Variants in COBL observed in about 807,000 individuals in gnomAD.
COBL encodes the protein cordon-bleu WH2 repeat protein.
A neutral mutation model predicts 98.8 loss-of-function variants in COBL; 51 were observed. That is an observed-to-expected ratio of 0.52 (90% CI 0.41 to 0.65). The LOEUF (loss-of-function observed/expected upper bound fraction) is 0.65, where lower values mean the gene tolerates loss of function less well. Ranked by LOEUF, COBL falls within the 30% of genes least tolerant of loss-of-function variation. The pLI is 0.00. For missense variants in COBL, 1,617 were observed against 1,617.5 expected (o/e 1.00, Z 0.01); for synonymous variants, 634 against 651.7 (o/e 0.97, Z 0.41).
intron 2 of COBL, among the ~76,000 whole-genome samples, chr7:51,207,314 G>A (rs1416590491): frequency 1.3e-5 from 2 of 151,106 alleles, no homozygotes; most frequent in African/African-American, 4.9e-5. Flanking sequence ...AGCGATTACA[G>A]ATCACCTAGT....
At position 51,126,392 on chromosome 7, in the gene COBL, G is replaced by A. The variant is rs76626765; in HGVS notation, c.957+9766C>T. On this transcript the variant is annotated intron_variant, in intron 6 of 12. Coordinates refer to ENST00000265136, the MANE Select transcript of COBL (RefSeq NM_015198.5). The stretch of plus-strand genomic sequence containing the variant: ...AGATGTGGCCAGCACCGAATAGAGC[G>A]GCACCACCCCACCCTCATCCTGATC... Among the ~76,000 whole-genome samples, 174 of 152,208 alleles carry A rather than the reference G, an allele frequency of 1.1e-3. No homozygotes were observed. The East Asian group carries it at 0.026, about 22-fold the overall frequency.
At position 51,016,918 on chromosome 7, in the gene COBL, T is replaced by C; in HGVS notation, c.*633A>G. On this transcript the variant is annotated 3_prime_UTR_variant, in exon 13 of 13. Transcript: ENST00000265136. Reference sequence around the variant, plus strand: ...GTTTTCTGGGTGGTAATAGTTGATTTTTAAAAGCTTAGTTGGTCAGATCAT... The same window carrying C: ...GTTTTCTGGGTGGTAATAGTTGATTCTTAAAAGCTTAGTTGGTCAGATCAT... 2.5e-6 allele frequency: 1 copy of C among 399,376 alleles called. No individual in the cohort carries two copies. Among genetic ancestry groups the C allele is most frequent in the Non-Finnish European group, 4.4e-6 (1 of 226,682 alleles). 24.7% of individuals were successfully genotyped at this position (399,376 alleles called of 1,614,324 possible). A position where few individuals can be genotyped will look rare whatever the true frequency, so the allele number is the denominator to read the frequency against.
At chr7:51,071,118 G>A (rs563363624) in intron 7 of COBL, 11 of 152,250 alleles carry the variant, frequency 7.2e-5, no homozygotes, top group Admixed American at 2.6e-4. Flanking sequence ...TTGCCTGCAC[G>A]TCTCTAGTTA....
intron 6 of COBL, among the ~76,000 whole-genome samples, chr7:51,111,609 T>TCCATC (rs1796831185): frequency 6.6e-6 from 1 of 152,146 alleles, no homozygotes; most frequent in African/African-American, 2.4e-5. Flanking sequence ...TCACGACCCA[T>TCCATC]CCATCCTTCA....
At chr7:51,167,604 G>A (rs1787450321) in intron 5 of COBL, among the ~76,000 whole-genome samples, 1 of 151,834 alleles carries the variant, frequency 6.6e-6, no homozygotes, top group Non-Finnish European at 1.5e-5. Context: ...AACTATAAAA[G>A]AGCGAGAATA....
intron 2 of COBL, 143 bp downstream of exon 2, chr7:51,219,598 C>G: frequency 1.2e-6 from 1 of 858,926 alleles, no homozygotes. Context: ...TAAGTAGTCA[C>G]TAAGCCCGAT....
chr7:51,050,912 C>T (rs1047408357), intron 7 of COBL, among the ~76,000 whole-genome samples: 15 of 152,152 alleles, frequency 9.9e-5, no homozygotes, highest in Admixed American at 9.2e-4. Flanking sequence ...CTTTATTTTG[C>T]ACATATATCT....
At chr7:51,122,524 A>G (rs942499328) in intron 6 of COBL, among the ~76,000 whole-genome samples, 16 of 152,256 alleles carry the variant, frequency 1.1e-4, no homozygotes, top group African/African-American at 3.1e-4. Flanking sequence ...TTGTACCATC[A>G]TAAGTGTTGT....
At chr7:51,174,498 A>G (rs1395053333) in intron 5 of COBL, among the ~76,000 whole-genome samples, 1 of 152,210 alleles carries the variant, frequency 6.6e-6, no homozygotes, top group Non-Finnish European at 1.5e-5. Context: ...TAAGGTATAG[A>G]GAAATGAAAA....
Position 51,222,221 on chromosome 7 carries a change from T to C in COBL, c.42-2277A>G, listed in dbSNP as rs114710455. Among the ~76,000 whole-genome samples the C allele has an allele frequency of 7.0e-3, 1,056 of 151,600 alleles. 14 individuals are homozygous for C. The highest frequency in any genetic ancestry group is 0.024 in the African/African-American group (993 of 41,450). On this transcript the variant is annotated intron_variant, in intron 1 of 12. Coordinates refer to ENST00000265136, the MANE Select transcript of COBL (RefSeq NM_015198.5). ...AATAATAATAATAATAAAATAACAT[T>C]CAGATCTCATCCTCTGCTATAAGTA...
chr7:51,072,143 T>A (rs1353539161), intron 7 of COBL: 1 of 152,100 alleles, frequency 6.6e-6, no homozygotes, highest in Non-Finnish European at 1.5e-5. Context: ...TACTTACTGA[T>A]TCTTTTTTTT....
At chr7:51,150,945 T>C (rs1430924064) in intron 5 of COBL, among the ~76,000 whole-genome samples, 1 of 152,150 alleles carries the variant, frequency 6.6e-6, no homozygotes, top group Non-Finnish European at 1.5e-5. Context: ...AGAGAGCCCC[T>C]TCTTCAGGAG....
chr7:51,244,028 C>A (rs1338512810), intron 1 of COBL, among the ~76,000 whole-genome samples: 1 of 152,100 alleles, frequency 6.6e-6, no homozygotes, highest in African/African-American at 2.4e-5. Context: ...AAAGATAAAC[C>A]ATCATGTGAA....
intron 12 of COBL, chr7:51,020,829 A>C (rs568725347): frequency 6.6e-6 from 1 of 152,372 alleles, no homozygotes; most frequent in East Asian, 1.9e-4. Context: ...CATTGGATTC[A>C]CACCGTGAAG....
At chr7:51,204,190 T>G (rs373731773) in intron 2 of COBL, among the ~76,000 whole-genome samples, 1 of 152,018 alleles carries the variant, frequency 6.6e-6, no homozygotes, top group African/African-American at 2.4e-5. Context: ...ATGCTGAAAC[T>G]CTCACCAAAA....
chr7:51,064,553 T>C (rs1322596869), intron 7 of COBL: 1 of 152,484 alleles, frequency 6.6e-6, no homozygotes, highest in Non-Finnish European at 1.5e-5. Flanking sequence ...TATGCTACAA[T>C]ATGGATAAAC....
chr7:51,030,429 T>C (rs1788026406), intron 9 of COBL, among the ~76,000 whole-genome samples: 1 of 152,228 alleles, frequency 6.6e-6, no homozygotes, highest in Non-Finnish European at 1.5e-5. Flanking sequence ...GTCAAAAGGC[T>C]GAGTATTTCT....
At chr7:51,193,740 C>T (rs1790338797) in intron 2 of COBL, 151 bp from the exon 3 acceptor site, 1 of 688,400 alleles carries the variant, frequency 1.5e-6, no homozygotes. Context: ...TTAATTCCTT[C>T]TGCATGGTTG....
intron 6 of COBL, among the ~76,000 whole-genome samples, chr7:51,110,258 C>G (rs193038681): frequency 6.6e-6 from 1 of 151,996 alleles, no homozygotes; most frequent in African/African-American, 2.4e-5. Flanking sequence ...CTCTTCCTCC[C>G]TCTCCCCTCC....
Sources: allele counts gnomAD v4.1 joint callset (sites outside exome capture counted in the v4.1 genomes callset), GRCh38; gene constraint gnomAD v4.1.1; transcripts MANE v1.5; gene names NCBI Gene and HGNC (gene_info 2026-07-23, HGNC 2026-07-21).